The following SGK3 variants were observed in gnomAD, a reference collection of about 807,000 sequenced individuals.
The protein encoded by SGK3 is serine/threonine-protein kinase Sgk3.
Under a neutral mutation model 68.5 loss-of-function variants are expected in SGK3, and 47 were observed. The ratio of observed to expected loss-of-function variants is 0.69; its 90% CI spans 0.54 to 0.87. The LOEUF (loss-of-function observed/expected upper bound fraction) is 0.87. Among genes scored for constraint, SGK3 ranks in the 40% least tolerant of loss-of-function variants. The pLI, the probability that SGK3 is intolerant of heterozygous loss-of-function variation, is 0.00. For missense variants in SGK3, 479 were observed against 575.5 expected (o/e 0.83, Z 1.72); for synonymous variants, 181 against 189.1 (o/e 0.96, Z 0.35).
chr8:66,804,368 A>C lies in SGK3; in HGVS notation c.181-7A>C, dbSNP rs201042205. On this transcript the variant is annotated splice_polypyrimidine_tract_variant and splice_region_variant and intron_variant, in intron 3 of 16. Coordinates refer to ENST00000521198, the MANE Select transcript of SGK3 (RefSeq NM_001033578.3). The stretch of plus-strand genomic sequence containing the variant: ...AGTTCATATAATGTTATTTTTAAAA[A>C]TTTTAGTTAAAAAAACAGTTTCCTG... 5.0e-6 allele frequency: 8 copies of C among 1,604,524 alleles called. No individual in the cohort carries two copies. The highest frequency in any genetic ancestry group is 6.8e-6 in the Non-Finnish European group (8 of 1,177,284).
chr8:66,798,473 G>T, intron 2 of SGK3, 69 bp from the exon 3 acceptor site: 4 of 1,330,492 alleles, frequency 3.0e-6, no homozygotes, highest in Non-Finnish European at 3.1e-6. Flanking sequence ...CAGGTTTCAT[G>T]TATTTAAGTA....
chr8:66,853,749 T>C (rs1288369201), intron 16 of SGK3, among the ~76,000 whole-genome samples: 6 of 152,200 alleles, frequency 3.9e-5, no homozygotes, highest in African/African-American at 1.4e-4. Flanking sequence ...AAATATTTAA[T>C]TTATCCTAAT....
At chr8:66,779,382 T>C (rs764386552) in intron 1 of SGK3, among the ~76,000 whole-genome samples, 8 of 151,806 alleles carry the variant, frequency 5.3e-5, no homozygotes, top group Non-Finnish European at 8.8e-5. Context: ...TCCTGTGGCC[T>C]TCCAAACCTC....
In SGK3 at chr8:66,840,065, T is replaced by G. The variant is rs1362380954; in HGVS notation, c.804T>G (p.Ala268=). 6.2e-7 allele frequency: 1 copy of G among 1,614,002 alleles called. No individual in the cohort carries two copies. The highest frequency in any genetic ancestry group is 1.3e-5 in the African/African-American group (1 of 74,936). The change falls in exon 11 of 17, where the codon GCT becomes GCG. Residue 268 remains alanine (A), a synonymous_variant. Transcript: ENST00000521198. The part of the protein sequence containing the change: ...FPEHRARFYA[A]EIASALGYLH... ...AGCACAGAGCTAGGTTTTACGCTGC[T>G]GAAATTGCTAGTGCATTGGGTTACT...
At chr8:66,761,236 C>A (rs535168688) in intron 1 of SGK3, among the ~76,000 whole-genome samples, 2 of 152,236 alleles carry the variant, frequency 1.3e-5, no homozygotes, top group East Asian at 3.9e-4. Flanking sequence ...TTTCAGCCTC[C>A]TGAACAGCTG....
chr8:66,858,327 A>G (rs1461036207), intron 16 of SGK3, among the ~76,000 whole-genome samples: 1 of 151,866 alleles, frequency 6.6e-6, no homozygotes, highest in South Asian at 2.1e-4. Context: ...TTAGCCGGGC[A>G]TGGTGGTGGG....
intron 1 of SGK3, among the ~76,000 whole-genome samples, chr8:66,719,216 T>C (rs1334443898): frequency 1.3e-5 from 2 of 152,250 alleles, no homozygotes; most frequent in Admixed American, 6.5e-5. Flanking sequence ...CTAAACTTTT[T>C]TCATGCTTAC....
chr8:66,791,378 G>A (rs1271916134), intron 1 of SGK3, among the ~76,000 whole-genome samples: 1 of 152,098 alleles, frequency 6.6e-6, no homozygotes, highest in Non-Finnish European at 1.5e-5. Flanking sequence ...GTCTGGAAGG[G>A]CAGATGGAGA....
intron 13 of SGK3, 56 bp downstream of exon 13, chr8:66,841,166 AT>A: frequency 7.5e-7 from 1 of 1,336,484 alleles, no homozygotes; most frequent in Non-Finnish European, 1.0e-6. Flanking sequence ...GCAAATATGA[AT>A]TACAGATTGC....
At position 66,857,774 on chromosome 8, in the gene SGK3, C is replaced by A. The variant is rs78417184; in HGVS notation, c.1321-1637C>A. Among the ~76,000 whole-genome samples, 145 of 149,862 alleles carry A rather than the reference C, an allele frequency of 9.7e-4. 3 individuals are homozygous for A. The East Asian group carries it at 0.027, about 27-fold the overall frequency. On this transcript the variant is annotated intron_variant, in intron 16 of 16. Transcript: ENST00000521198. ...TTCCAGCCTGGACTACAGGATGAGA[C>A]CCTGTCTCAAAAAAGTGTGTGTGTA...
At chr8:66,787,628 G>A (rs1225350131) in intron 1 of SGK3, among the ~76,000 whole-genome samples, 1 of 152,100 alleles carries the variant, frequency 6.6e-6, no homozygotes, top group South Asian at 2.1e-4. Flanking sequence ...TTTGTCATCG[G>A]TCCATTGAGC....
At chr8:66,722,170 A>C (rs1804812216) in intron 1 of SGK3, among the ~76,000 whole-genome samples, 1 of 152,242 alleles carries the variant, frequency 6.6e-6, no homozygotes, top group Non-Finnish European at 1.5e-5. Context: ...CAGATGGTAT[A>C]GGAAGCTCTG....
chr8:66,806,070 G>A (rs1808148355), intron 4 of SGK3, among the ~76,000 whole-genome samples: 1 of 152,012 alleles, frequency 6.6e-6, no homozygotes, highest in African/African-American at 2.4e-5. Flanking sequence ...TTTCCCCAGA[G>A]GCTGCTTTGC....
intron 1 of SGK3, among the ~76,000 whole-genome samples, chr8:66,757,239 C>T (rs1217661448): frequency 6.6e-6 from 1 of 151,454 alleles, no homozygotes. Context: ...TCAAGTGATC[C>T]TCCTCCCTTA....
intron 1 of SGK3, among the ~76,000 whole-genome samples, chr8:66,752,404 G>A (rs1805844683): frequency 6.6e-6 from 1 of 152,136 alleles, no homozygotes; most frequent in South Asian, 2.1e-4. Context: ...TAGGTTCTAA[G>A]GATGTAAAGG....
At chr8:66,714,051 G>A (rs1338780955) in intron 1 of SGK3, among the ~76,000 whole-genome samples, 1 of 152,196 alleles carries the variant, frequency 6.6e-6, no homozygotes, top group Non-Finnish European at 1.5e-5. Flanking sequence ...TAACTCTGGA[G>A]ACACCAGAAC....
chr8:66,773,858 T>A (rs1041727807), intron 1 of SGK3, among the ~76,000 whole-genome samples: 3 of 152,176 alleles, frequency 2.0e-5, no homozygotes, highest in African/African-American at 7.2e-5. Context: ...AATTTTCCAT[T>A]TAATTTTTTC....
intron 1 of SGK3, chr8:66,775,071 C>G (rs1348846020): frequency 6.6e-6 from 1 of 152,374 alleles, no homozygotes; most frequent in East Asian, 1.9e-4. Flanking sequence ...TGCACCCCAC[C>G]GGCAGCTCCT....
chr8:66,782,294 GC>G (rs1307707342), intron 1 of SGK3, among the ~76,000 whole-genome samples: 1 of 150,248 alleles, frequency 6.7e-6, no homozygotes, highest in African/African-American at 2.4e-5. Context: ...ATTTCCCCTT[GC>G]CACATATGTA....
Sources: allele counts gnomAD v4.1 joint callset (sites outside exome capture counted in the v4.1 genomes callset), GRCh38; gene constraint gnomAD v4.1.1; transcripts MANE v1.5; gene names NCBI Gene and HGNC (gene_info 2026-07-23, HGNC 2026-07-21).